Variants in KAZN observed in about 807,000 individuals in gnomAD.
The protein encoded by KAZN is kazrin, periplakin interacting protein, also known as kazrin.
Under a neutral mutation model 87.4 loss-of-function variants are expected in KAZN, and 40 were observed. The observed-to-expected ratio is 0.46, with a 90% CI of 0.36 to 0.60. The LOEUF is 0.60. Among genes scored for constraint, KAZN ranks in the 20% least tolerant of loss-of-function variants. The probability of loss-of-function intolerance (pLI) is 0.00; values close to 1 mark genes in which losing one functional copy is unlikely to be tolerated. For missense variants in KAZN, 898 were observed against 1,073.9 expected (o/e 0.84, Z 2.29); for synonymous variants, 466 against 458.3 (o/e 1.02, Z -0.22).
At chr1:14,836,690 C>T (rs1232774218) in intron 1 of KAZN, among the ~76,000 whole-genome samples, 5 of 152,178 alleles carry the variant, frequency 3.3e-5, no homozygotes, top group Non-Finnish European at 7.3e-5. Context: ...GCCACCTCCA[C>T]CCAAGCCAAG....
rs556732078 is a variant in KAZN at position 14,360,979 on chromosome 1, C to T, written c.249+180387C>T. Among the ~76,000 whole-genome samples the T allele has an allele frequency of 1.7e-4, 26 of 152,312 alleles. No individual in the cohort carries two copies. In the South Asian group the frequency reaches 4.8e-3, roughly 28 times the overall value. On this transcript the variant is annotated intron_variant, in intron 2 of 16. Coordinates refer to the KAZN transcript ENST00000636203. ...GAGCTCAAGCACTGTGCTAGGAGAT[C>T]GGCTGCTCTCTTCAGAGCCAGCAGG...
At chr1:14,220,237 C>T (rs1042224733) in intron 2 of KAZN, among the ~76,000 whole-genome samples, 3 of 152,148 alleles carry the variant, frequency 2.0e-5, no homozygotes, top group Non-Finnish European at 4.4e-5. Context: ...ATTTCTGACT[C>T]TCTGCTCATC....
At chr1:14,353,248 G>A (rs553226191) in intron 2 of KAZN, among the ~76,000 whole-genome samples, 2 of 148,502 alleles carry the variant, frequency 1.3e-5, no homozygotes, top group African/African-American at 2.5e-5. Flanking sequence ...TTTTTGAGAC[G>A]GAGTCTGGCT....
intron 2 of KAZN, among the ~76,000 whole-genome samples, chr1:14,422,489 G>A (rs921180609): frequency 4.6e-5 from 7 of 152,166 alleles, no homozygotes; most frequent in African/African-American, 1.4e-4. Flanking sequence ...AATCTTAAGT[G>A]ATGTTCACTA....
At chr1:14,124,064 G>A (rs1376160678) in intron 1 of KAZN, among the ~76,000 whole-genome samples, 3 of 152,114 alleles carry the variant, frequency 2.0e-5, no homozygotes, top group Non-Finnish European at 4.4e-5. Flanking sequence ...TTTCCAAGAT[G>A]CATTTCACAT....
At chr1:13,958,745 T>C (rs1641643934) in intron 1 of KAZN, among the ~76,000 whole-genome samples, 1 of 151,648 alleles carries the variant, frequency 6.6e-6, no homozygotes, top group African/African-American at 2.4e-5. Flanking sequence ...GATAGATACA[T>C]CTATGGGAGG....
chr1:14,352,360 C>G (rs1194642615), intron 2 of KAZN, among the ~76,000 whole-genome samples: 2 of 151,912 alleles, frequency 1.3e-5, no homozygotes, highest in African/African-American at 2.4e-5. Context: ...TTAAAAGGGC[C>G]CTTAGGTAGA....
intron 1 of KAZN, among the ~76,000 whole-genome samples, chr1:13,947,776 A>G (rs1007283978): frequency 6.6e-6 from 1 of 152,082 alleles, no homozygotes; most frequent in African/African-American, 2.4e-5. Context: ...TTCTCCCTGT[A>G]TCTTCACGTG....
intron 1 of KAZN, among the ~76,000 whole-genome samples, chr1:13,927,761 A>G (rs936336934): frequency 2.0e-5 from 3 of 152,242 alleles, no homozygotes; most frequent in Admixed American, 6.5e-5. Flanking sequence ...AGAAGGTCGC[A>G]TAGCAACTGA....
chr1:15,090,275 T>A (rs1640470904), intron 8 of KAZN, among the ~76,000 whole-genome samples: 2 of 152,192 alleles, frequency 1.3e-5, no homozygotes, highest in Non-Finnish European at 2.9e-5. Context: ...ACCTCTCCTC[T>A]TCCCAGAAGC....
At chr1:14,456,519 CGTT>C (rs1667576342) in intron 2 of KAZN, among the ~76,000 whole-genome samples, 1 of 151,982 alleles carries the variant, frequency 6.6e-6, no homozygotes, top group Non-Finnish European at 1.5e-5. Flanking sequence ...ATGTAGGTGA[CGTT>C]GTATTATAGA....
At chr1:14,685,536 G>T (rs989140116) in intron 1 of KAZN, among the ~76,000 whole-genome samples, 4 of 152,218 alleles carry the variant, frequency 2.6e-5, no homozygotes, top group African/African-American at 7.2e-5. Context: ...GCCTCCAAAT[G>T]CTCTTGGCGG....
chr1:14,188,198 T>C lies in KAZN; in HGVS notation c.249+7606T>C, dbSNP rs1306578428. Among the ~76,000 whole-genome samples the C allele has an allele frequency of 1.0e-4, 8 of 78,060 alleles. No individual in the cohort carries two copies. The South Asian group carries it at 3.5e-3, about 34-fold the overall frequency. 51.2% of individuals were successfully genotyped at this position (78,060 alleles called of 152,430 possible). On this transcript the variant is annotated intron_variant, in intron 2 of 16. Transcript: ENST00000636203. ...ATGGAGAGAGAGAGAGAGGAGCGTG[T>C]GTGTGTGTGTGTGTGTGTGTGTGTG...
At chr1:14,801,625 C>A (rs1646026367) in intron 1 of KAZN, among the ~76,000 whole-genome samples, 1 of 152,114 alleles carries the variant, frequency 6.6e-6, no homozygotes, top group Non-Finnish European at 1.5e-5. Context: ...ACACAGACTG[C>A]TGATGAGTTT....
At chr1:14,729,314 A>G (rs1052781353) in intron 1 of KAZN, among the ~76,000 whole-genome samples, 3 of 152,230 alleles carry the variant, frequency 2.0e-5, no homozygotes, top group African/African-American at 7.2e-5. Context: ...GAGCATCCAT[A>G]GGGAAGCAGA....
chr1:14,212,702 G>A (rs1646880844), intron 2 of KAZN, among the ~76,000 whole-genome samples: 1 of 152,126 alleles, frequency 6.6e-6, no homozygotes, highest in Non-Finnish European at 1.5e-5. Flanking sequence ...ACCAGTGCAA[G>A]TCAGGACATC....
At chr1:14,774,749 T>C (rs1645127351) in intron 1 of KAZN, among the ~76,000 whole-genome samples, 1 of 152,182 alleles carries the variant, frequency 6.6e-6, no homozygotes, top group South Asian at 2.1e-4. Flanking sequence ...CCTCCCAAAG[T>C]GCTGGGACTG....
chr1:14,919,122 C>G (rs1180314068), intron 1 of KAZN, among the ~76,000 whole-genome samples: 1 of 152,142 alleles, frequency 6.6e-6, no homozygotes, highest in Non-Finnish European at 1.5e-5. Context: ...TCCTCACACC[C>G]GCAAAGCCAG....
At chr1:15,095,025 C>G in intron 10 of KAZN, 92 bp downstream of exon 10, 1 of 856,464 alleles carries the variant, frequency 1.2e-6, no homozygotes, top group South Asian at 1.6e-5. Context: ...GCACTGTGGG[C>G]TGAACCAGGT....
Sources: gnomAD v4.1 joint callset for allele counts (sites outside exome capture counted in the v4.1 genomes callset) on GRCh38, gnomAD v4.1.1 for gene constraint, MANE v1.5 for transcripts, NCBI Gene and HGNC (gene_info 2026-07-23, HGNC 2026-07-21) for gene names.